Variants in SLC36A3 observed in about 807,000 individuals in gnomAD.
The protein encoded by SLC36A3 is solute carrier family 36 member 3.
Under a neutral mutation model 44.3 loss-of-function variants are expected in SLC36A3, and 35 were observed. The observed-to-expected ratio is 0.79, with a 90% CI of 0.60 to 1.05. SLC36A3 has a LOEUF of 1.05. Among genes scored for constraint, SLC36A3 ranks in the 50% least tolerant of loss-of-function variants. The pLI, the probability that SLC36A3 is intolerant of heterozygous loss-of-function variation, is 0.00. For missense variants in SLC36A3, 540 were observed against 578.7 expected, an observed-to-expected ratio of 0.93 and a Z score of 0.69; for synonymous variants, 211 against 227.6, an observed-to-expected ratio of 0.93 and a Z score of 0.66.
intron 6 of SLC36A3, among the ~76,000 whole-genome samples, chr5:151,286,754 G>A (rs1365831518): frequency 2.6e-5 from 4 of 152,116 alleles, no homozygotes; most frequent in South Asian, 2.1e-4. Flanking sequence ...ATAGTATTGC[G>A]AAGGTTCAAT....
intron 3 of SLC36A3, among the ~76,000 whole-genome samples, chr5:151,294,473 C>G (rs933104602): frequency 6.6e-6 from 1 of 152,060 alleles, no homozygotes; most frequent in Non-Finnish European, 1.5e-5. Flanking sequence ...AATAACACAT[C>G]CCATTGTAAA....
In SLC36A3 at chr5:151,277,576, G is replaced by A; in HGVS notation, c.1230C>T (p.Ile410=). 6.2e-7 allele frequency: 1 copy of A among 1,614,198 alleles called. No homozygotes were observed. The highest frequency in any genetic ancestry group is 8.5e-7 in the Non-Finnish European group (1 of 1,180,026). ...SVSSSALALI[I]PALLEIVIFY... ...AGATGACGATCTCCAGGAGGGCTGG[G>A]ATGATGAGAGCCAGGGCGCTGCTGC... Residue 410 remains isoleucine (I), a synonymous_variant, in exon 10 of 10, where the codon ATC becomes ATT. Coordinates refer to ENST00000335230, the MANE Select transcript of SLC36A3 (RefSeq NM_181774.4).
Position 151,298,693 on chromosome 5 carries a change from G to A in SLC36A3, c.129-10C>T. 6.2e-7 allele frequency: 1 copy of A among 1,613,602 alleles called. No individual in the cohort carries two copies. Among genetic ancestry groups the A allele is most frequent in the Non-Finnish European group, 8.5e-7 (1 of 1,179,526 alleles). On this transcript the variant is annotated splice_polypyrimidine_tract_variant and intron_variant, in intron 1 of 9. Transcript: ENST00000335230. ...CAAAGTTTGCATCATCCTGTGGTGG[G>A]GAGAGTAGGGAGACAGAGGGTACTG...
intron 9 of SLC36A3, among the ~76,000 whole-genome samples, chr5:151,277,985 C>T (rs1477494047): frequency 6.6e-6 from 1 of 152,144 alleles, no homozygotes; most frequent in African/African-American, 2.4e-5. Context: ...TGTTCAAGGT[C>T]ACACAGAGCT....
intron 4 of SLC36A3, among the ~76,000 whole-genome samples, chr5:151,289,308 T>C (rs1754670727): frequency 6.6e-6 from 1 of 152,102 alleles, no homozygotes; most frequent in Admixed American, 6.6e-5. Context: ...ATTATCCCAA[T>C]TCTCTCTAAA....
intron 9 of SLC36A3, among the ~76,000 whole-genome samples, chr5:151,278,449 TTTA>T: frequency 6.6e-6 from 1 of 152,338 alleles, no homozygotes; most frequent in Middle Eastern, 3.4e-3. Flanking sequence ...TTTATGCAAA[TTTA>T]TTATTTTAAA....
At chr5:151,291,765 G>A (rs907978215) in intron 4 of SLC36A3, among the ~76,000 whole-genome samples, 2 of 152,154 alleles carry the variant, frequency 1.3e-5, no homozygotes, top group African/African-American at 4.8e-5. Context: ...TAGCATCAGT[G>A]CATTCTCCCT....
chr5:151,286,839 A>G (rs895956830), intron 6 of SLC36A3, among the ~76,000 whole-genome samples: 5 of 152,126 alleles, frequency 3.3e-5, no homozygotes, highest in Admixed American at 6.5e-5. Flanking sequence ...TTGTCCATCT[A>G]CCACTTTTAC....
intron 3 of SLC36A3, among the ~76,000 whole-genome samples, chr5:151,294,498 A>G (rs773410440): frequency 5.9e-5 from 9 of 152,194 alleles, no homozygotes; most frequent in Non-Finnish European, 1.3e-4. Context: ...ATTGCTCAGG[A>G]GTTGCCTCTA....
Position 151,284,143 on chromosome 5 carries a change from G to T in SLC36A3, c.875C>A (p.Ser292Tyr), listed in dbSNP as rs1173361266. The change falls in exon 8 of 10, where the codon TCC becomes TAC. Residue 292 changes from serine to tyrosine, a missense_variant. Physicochemically the swap from Ser to Tyr is moderately radical, Grantham distance 144. Transcript: ENST00000335230. ...TAAGATATAGAGGATGATGACAATG[G>T]ACATCCCCAAGTACAGAACAAAAGA... ...QFSFVLYLGM[S>Y]IVIILYILLG... 1.2e-6 allele frequency: 2 copies of T among 1,613,984 alleles called. No homozygotes were observed. Among genetic ancestry groups the T allele is most frequent in the African/African-American group, 2.7e-5 (2 of 74,916 alleles).
Position 151,303,479 on chromosome 5 carries a change from G to C in SLC36A3, c.-125C>G. The stretch of plus-strand genomic sequence containing the variant: ...TGCTGGCTCCTAACCCCAAGGATGC[G>C]TGCTGCTGGCTGAAGCCTGAAGTGC... On this transcript the variant is annotated 5_prime_UTR_variant, in exon 1 of 10. Transcript: ENST00000335230. 9.2e-7 allele frequency: 1 copy of C among 1,082,726 alleles called. No individual in the cohort carries two copies. Among genetic ancestry groups the C allele is most frequent in the Non-Finnish European group, 1.3e-6 (1 of 757,544 alleles). The allele number at this position is 1,082,726 out of a possible 1,614,324, so 67.1% of individuals were successfully genotyped here. A position where few individuals can be genotyped will look rare whatever the true frequency, so the allele number is the denominator to read the frequency against.
intron 9 of SLC36A3, among the ~76,000 whole-genome samples, chr5:151,280,344 C>T (rs764133262): frequency 1.3e-5 from 2 of 152,136 alleles, no homozygotes; most frequent in Non-Finnish European, 2.9e-5. Flanking sequence ...ATCCCAGCTA[C>T]TCAGGAGGCT....
At chr5:151,284,297 T>G in intron 7 of SLC36A3, 87 bp from the exon 8 acceptor site, 2 of 1,365,536 alleles carry the variant, frequency 1.5e-6, no homozygotes, top group Non-Finnish European at 2.0e-6. Flanking sequence ...CAAGCACAAA[T>G]GTCCTTCCCC....
intron 9 of SLC36A3, 43 bp downstream of exon 9, chr5:151,280,971 C>A: frequency 6.2e-7 from 1 of 1,611,754 alleles, no homozygotes; most frequent in South Asian, 1.1e-5. Flanking sequence ...GCGTGGCTCC[C>A]TGTCATAGCT....
chr5:151,278,011 T>C (rs60358455), intron 9 of SLC36A3, among the ~76,000 whole-genome samples: 12,095 of 152,186 alleles, frequency 0.079, 1,354 homozygotes, highest in African/African-American at 0.25. Context: ...GAGAATTCAC[T>C]GGGATGCCCC....
chr5:151,277,374 T>G lies in SLC36A3; in HGVS notation c.*19A>C. ...TGGGGATGGGAGGAAGGGAGAGCTA[T>G]TAGAATAAAAACAGATAATTATGCA... is the stretch of plus-strand genomic sequence containing the variant. On this transcript the variant is annotated 3_prime_UTR_variant, in exon 10 of 10. Transcript: ENST00000335230. 1 of 1,611,270 alleles carries G rather than the reference T, an allele frequency of 6.2e-7. No individual in the cohort carries two copies. Among genetic ancestry groups the G allele is most frequent in the Non-Finnish European group, 8.5e-7 (1 of 1,177,724 alleles).
chr5:151,301,895 T>C (rs1214279077), intron 1 of SLC36A3, among the ~76,000 whole-genome samples: 3 of 152,236 alleles, frequency 2.0e-5, no homozygotes, highest in East Asian at 1.9e-4. Flanking sequence ...ATAAAAATTA[T>C]GCACTCTTGT....
intron 6 of SLC36A3, among the ~76,000 whole-genome samples, chr5:151,285,053 C>G (rs987858772): frequency 4.6e-5 from 7 of 152,270 alleles, no homozygotes; most frequent in Admixed American, 2.0e-4. Context: ...GCCCCACTAC[C>G]CAGCCTCCTG....
intron 6 of SLC36A3, among the ~76,000 whole-genome samples, chr5:151,285,270 A>C (rs149012475): frequency 6.6e-6 from 1 of 152,266 alleles, no homozygotes; most frequent in East Asian, 1.9e-4. Context: ...TAGACACCAA[A>C]TCGTGTTCAT....
Sources: allele counts gnomAD v4.1 joint callset (sites outside exome capture counted in the v4.1 genomes callset), GRCh38; gene constraint gnomAD v4.1.1; transcripts MANE v1.5; gene names NCBI Gene and HGNC (gene_info 2026-07-23, HGNC 2026-07-21).